Variants in NDFIP2 observed in about 807,000 individuals in gnomAD.
NDFIP2 encodes the protein NEDD4 family-interacting protein 2.
A neutral mutation model predicts 36.0 loss-of-function variants in NDFIP2; 19 were observed. The observed-to-expected ratio is 0.53, with a 90% CI of 0.37 to 0.77. The LOEUF (loss-of-function observed/expected upper bound fraction) is 0.77. Ranked by LOEUF, NDFIP2 falls within the 30% of genes least tolerant of loss-of-function variation. The pLI is 0.00. For synonymous variants in NDFIP2, 181 were observed against 167.7 expected (o/e 1.08, Z -0.61); for missense variants, 446 against 435.8 (o/e 1.02, Z -0.21).
intron 2 of NDFIP2, among the ~76,000 whole-genome samples, chr13:79,522,439 A>T (rs1353177980): frequency 1.3e-5 from 2 of 152,240 alleles, no homozygotes; most frequent in Non-Finnish European, 2.9e-5. Flanking sequence ...GAATAATTTT[A>T]AGAGTGCAAT....
intron 1 of NDFIP2, among the ~76,000 whole-genome samples, chr13:79,504,020 G>A (rs1467780791): frequency 6.6e-6 from 1 of 152,162 alleles, no homozygotes; most frequent in African/African-American, 2.4e-5. Flanking sequence ...TTCATGGAAA[G>A]TTGGAGTTCA....
At position 79,510,543 on chromosome 13, in the gene NDFIP2, CACAGAGTGATTA is replaced by C. The variant is rs1211342215; in HGVS notation, c.322-10266_322-10255del. ...TATGAAGATACACACAGGGGAGAAC[CACAGAGTGATTA>C]CTGCCAACCCCACAATGGATTCAGA... On this transcript the variant is annotated intron_variant, in intron 1 of 7. Coordinates refer to ENST00000218652, the MANE Select transcript of NDFIP2 (RefSeq NM_019080.3). 2.6e-5 allele frequency among the ~76,000 whole-genome samples: 4 copies of C among 152,010 alleles called. No homozygotes were observed. The East Asian group carries it at 7.7e-4, about 29-fold the overall frequency.
At chr13:79,536,801 G>A (rs953631555) in intron 3 of NDFIP2, among the ~76,000 whole-genome samples, 1 of 152,000 alleles carries the variant, frequency 6.6e-6, no homozygotes. Context: ...AGGCAAGCAG[G>A]TTGCTTGAGC....
intron 1 of NDFIP2, among the ~76,000 whole-genome samples, chr13:79,488,796 CA>C (rs1873116366): frequency 6.6e-6 from 1 of 151,978 alleles, no homozygotes; most frequent in Non-Finnish European, 1.5e-5. Context: ...AGCCTAATGT[CA>C]GATAGTAATA....
intron 1 of NDFIP2, among the ~76,000 whole-genome samples, chr13:79,486,283 CA>C (rs1872984836): frequency 6.6e-6 from 1 of 152,182 alleles, no homozygotes; most frequent in African/African-American, 2.4e-5. Context: ...CTGCCCCCAA[CA>C]TTTAATAACA....
At chr13:79,521,008 C>CTTT (rs59405124) in intron 2 of NDFIP2, 33 bp downstream of exon 2, 366 of 1,217,262 alleles carry the variant, frequency 3.0e-4, no homozygotes, top group African/African-American at 1.5e-3. Context: ...TTTATTAGTT[C>CTTT]TTTTTTTTTT....
At position 79,502,721 on chromosome 13, in the gene NDFIP2, G is replaced by A. The variant is rs145553272; in HGVS notation, c.322-18089G>A. ...TCATTGTTTTCAGCGAGACGTTTGG[G>A]TGAAAGCCACATGGTAATGAATTGG... On this transcript the variant is annotated intron_variant, in intron 1 of 7. Transcript: ENST00000218652. 6.6e-3 allele frequency among the ~76,000 whole-genome samples: 1,012 copies of A among 152,192 alleles called. 14 individuals carry two copies. The highest frequency in any genetic ancestry group is 0.023 in the African/African-American group (963 of 41,540).
intron 4 of NDFIP2, among the ~76,000 whole-genome samples, chr13:79,541,439 TATTTTACTAAA>T (rs1298665363): frequency 1.3e-5 from 2 of 151,166 alleles, no homozygotes; most frequent in Non-Finnish European, 3.0e-5. Flanking sequence ...ATTTAATATA[TATTTTACTAAA>T]TTTTTACTAA....
chr13:79,485,634 C>T (rs1461921675), intron 1 of NDFIP2, among the ~76,000 whole-genome samples: 2 of 152,176 alleles, frequency 1.3e-5, no homozygotes, highest in Non-Finnish European at 2.9e-5. Flanking sequence ...TACCACACCT[C>T]TTTTACATAA....
chr13:79,542,031 C>T (rs1368251048), intron 4 of NDFIP2, among the ~76,000 whole-genome samples: 1 of 152,128 alleles, frequency 6.6e-6, no homozygotes, highest in Non-Finnish European at 1.5e-5. Context: ...GCCTAATGTG[C>T]ATATCTCTGA....
rs751501187 is a variant in NDFIP2, at chr13:79,548,329, T to A, written c.842T>A (p.Phe281Tyr). The A allele has an allele frequency of 1.3e-6, 2 of 1,576,574 alleles. No individual in the cohort carries two copies. The highest frequency in any genetic ancestry group is 1.7e-6 in the Non-Finnish European group (2 of 1,155,678). ...AATATATTTATGTTCACTCCATAGT[T>A]TTCTGATTATTTTACTGGATATTTC... Reference protein sequence around the residue: ...SLIKWILIVRFSDYFTGYFNG... With the variant: ...SLIKWILIVRYSDYFTGYFNG... Residue 281 changes from phenylalanine (F) to tyrosine (Y), a missense_variant and splice_region_variant, in exon 6 of 8, where the codon TTT (phenylalanine) becomes TAT (tyrosine). By Grantham distance (22) the Phe-to-Tyr change is conservative. Coordinates refer to ENST00000218652, the MANE Select transcript of NDFIP2 (RefSeq NM_019080.3).
At chr13:79,537,027 G>A (rs117813896) in intron 3 of NDFIP2, among the ~76,000 whole-genome samples, 5,064 of 151,528 alleles carry the variant, frequency 0.033, 130 homozygotes, top group Non-Finnish European at 0.052. Context: ...TCCAGCCTGG[G>A]TGAGAGTGAG....
At chr13:79,530,966 A>C (rs1229001002) in intron 2 of NDFIP2, among the ~76,000 whole-genome samples, 1 of 152,174 alleles carries the variant, frequency 6.6e-6, no homozygotes, top group African/African-American at 2.4e-5. Flanking sequence ...GAAGCTTTTC[A>C]GTTTACTTTG....
Position 79,533,427 on chromosome 13 carries a change from G to A in NDFIP2, c.592G>A (p.Ala198Thr). 1 of 1,603,008 alleles carries A rather than the reference G, an allele frequency of 6.2e-7. No individual in the cohort carries two copies. The highest frequency in any genetic ancestry group is 1.1e-5 in the South Asian group (1 of 88,358). Residue 198 changes from alanine to threonine, a missense_variant, in exon 3 of 8, where the codon GCA becomes ACA. By Grantham distance (58) the Ala-to-Thr change is moderately conservative. This residue lies in a region of NDFIP2 where 369 missense variants were observed against 304.8 expected (regional missense o/e 1.21). Transcript: ENST00000218652. ...EAEKAKAAAMAAAAAETSQRI... is the reference protein window; with the variant it reads ...EAEKAKAAAMTAAAAETSQRI... The stretch of plus-strand genomic sequence containing the variant: ...TGAGAAGGCTAAAGCTGCTGCAATG[G>A]CAGCTGCAGCAGCAGAAACATCTCA...
intron 1 of NDFIP2, among the ~76,000 whole-genome samples, chr13:79,517,728 T>G (rs774267604): frequency 1.3e-5 from 2 of 152,188 alleles, no homozygotes; most frequent in Non-Finnish European, 2.9e-5. Flanking sequence ...CAAAGCTTTA[T>G]TTTGGAGCTT....
At chr13:79,548,304 A>C (rs1335856178) in intron 5 of NDFIP2, 24 bp from the exon 6 acceptor site, 1 of 1,481,664 alleles carries the variant, frequency 6.7e-7, no homozygotes, top group Non-Finnish European at 9.3e-7. Flanking sequence ...GAATTCGGTT[A>C]ATATATTTAT....
chr13:79,504,095 G>A (rs1223404402), intron 1 of NDFIP2, among the ~76,000 whole-genome samples: 1 of 152,004 alleles, frequency 6.6e-6, no homozygotes, highest in African/African-American at 2.4e-5. Context: ...CATCATATAG[G>A]GGTTCTAGAG....
intron 1 of NDFIP2, among the ~76,000 whole-genome samples, chr13:79,501,978 GT>G (rs1208191482): frequency 6.6e-6 from 1 of 152,082 alleles, no homozygotes; most frequent in Non-Finnish European, 1.5e-5. Flanking sequence ...AGAATTTCTA[GT>G]TGTTAGAAGC....
intron 5 of NDFIP2, among the ~76,000 whole-genome samples, chr13:79,545,144 A>G (rs958622448): frequency 3.9e-5 from 6 of 152,172 alleles, no homozygotes; most frequent in African/African-American, 1.2e-4. Flanking sequence ...ATTAAGCACT[A>G]TTATTCAAAT....
Sources: gnomAD v4.1 joint callset for allele counts (sites outside exome capture counted in the v4.1 genomes callset) on GRCh38, gnomAD v4.1.1 for gene constraint, gnomAD v4.1.1 regional missense constraint, MANE v1.5 for transcripts, NCBI Gene and HGNC (gene_info 2026-07-23, HGNC 2026-07-21) for gene names.